Variants in NTM observed in about 807,000 individuals in gnomAD.
The protein encoded by NTM is IgLON family member 2.
NTM carries 13 observed loss-of-function variants against 42.1 expected under a neutral mutation model. The observed-to-expected ratio is 0.31, with a 90% CI of 0.20 to 0.49. NTM has a LOEUF of 0.49. Ranked by LOEUF, NTM falls within the 20% of genes least tolerant of loss-of-function variation. The pLI, the probability that NTM is intolerant of heterozygous loss-of-function variation, is 0.99. For missense variants in NTM, 373 were observed against 452.8 expected (o/e 0.82, Z 1.60); for synonymous variants, 187 against 179.2 (o/e 1.04, Z -0.35).
chr11:132,300,370 CTTATG>C (rs967368685), intron 4 of NTM, among the ~76,000 whole-genome samples: 32 of 152,282 alleles, frequency 2.1e-4, no homozygotes, highest in African/African-American at 7.5e-4. Context: ...ATAAGGTAAT[CTTATG>C]TTCTCCATTT....
intron 2 of NTM, among the ~76,000 whole-genome samples, chr11:132,082,098 A>T (rs2059146432): frequency 6.6e-6 from 1 of 151,858 alleles, no homozygotes; most frequent in African/African-American, 2.4e-5. Flanking sequence ...AAAAAGCTTC[A>T]TCAAGGTTAA....
chr11:132,040,845 C>G (rs1261697135), intron 2 of NTM, among the ~76,000 whole-genome samples: 1 of 152,192 alleles, frequency 6.6e-6, no homozygotes, highest in East Asian at 1.9e-4. Flanking sequence ...GATTAGGATT[C>G]TCAACATCAG....
intron 2 of NTM, among the ~76,000 whole-genome samples, chr11:132,005,035 G>A (rs926054895): frequency 2.0e-5 from 3 of 152,166 alleles, no homozygotes; most frequent in Admixed American, 6.5e-5. Flanking sequence ...ATGTGAAAAC[G>A]TTATAGTTGA....
intron 1 of NTM, among the ~76,000 whole-genome samples, chr11:131,709,359 G>C (rs879775718): frequency 2.0e-5 from 3 of 152,118 alleles, no homozygotes; most frequent in Non-Finnish European, 2.9e-5. Flanking sequence ...GGCTCCAGGG[G>C]GCAAGAGTGG....
chr11:132,125,384 G>A (rs1030615155), intron 2 of NTM, among the ~76,000 whole-genome samples: 6 of 79,940 alleles, frequency 7.5e-5, no homozygotes, highest in Non-Finnish European at 1.6e-4. Context: ...GTGTGGTGGT[G>A]TATGTGGTAT....
intron 1 of NTM, among the ~76,000 whole-genome samples, chr11:131,815,305 C>T (rs998928099): frequency 1.3e-5 from 2 of 152,104 alleles, no homozygotes; most frequent in African/African-American, 4.8e-5. Flanking sequence ...GCTGTCCCAC[C>T]GTGCCCGCCT....
intron 1 of NTM, among the ~76,000 whole-genome samples, chr11:131,714,761 C>T (rs886123170): frequency 6.6e-6 from 1 of 152,182 alleles, no homozygotes; most frequent in Non-Finnish European, 1.5e-5. Context: ...ATTCCACTCT[C>T]GCCAGCCTTT....
At chr11:131,522,354 AAG>A (rs1283278348) in intron 1 of NTM, among the ~76,000 whole-genome samples, 3 of 1,238 alleles carry the variant, frequency 2.4e-3, no homozygotes, top group South Asian at 0.018. Context: ...GCAGAACAAC[AAG>A]AAAAAAAAAA....
intron 1 of NTM, among the ~76,000 whole-genome samples, chr11:131,484,413 G>C (rs1424470360): frequency 6.6e-6 from 1 of 152,188 alleles, no homozygotes; most frequent in Non-Finnish European, 1.5e-5. Flanking sequence ...AGGCAAAATG[G>C]TCCTTCCTTT....
chr11:131,751,868 G>A (rs1454908697), intron 1 of NTM, among the ~76,000 whole-genome samples: 1 of 149,966 alleles, frequency 6.7e-6, no homozygotes, highest in Non-Finnish European at 1.5e-5. Flanking sequence ...GCTCCATAAC[G>A]GGCCAAGATC....
At chr11:131,721,859 C>T (rs923327691) in intron 1 of NTM, among the ~76,000 whole-genome samples, 4 of 151,558 alleles carry the variant, frequency 2.6e-5, no homozygotes, top group African/African-American at 4.8e-5. Flanking sequence ...ATTAGCTAGG[C>T]GTGGTCGTGG....
intron 2 of NTM, among the ~76,000 whole-genome samples, chr11:131,947,848 G>T (rs900096150): frequency 6.6e-6 from 1 of 152,124 alleles, no homozygotes; most frequent in Non-Finnish European, 1.5e-5. Context: ...TTCCTCCTGA[G>T]ATTAGTATGA....
At position 132,280,475 on chromosome 11, in the gene NTM, CTTTTTTTTTT is replaced by C. The variant is rs138697534; in HGVS notation, c.527-27195_527-27186del. 4.6e-3 allele frequency among the ~76,000 whole-genome samples: 379 copies of C among 82,446 alleles called. 5 individuals carry two copies. In the Middle Eastern group the frequency reaches 0.051, roughly 11 times the overall value. The allele number at this position is 82,446 out of a possible 152,430, so 54.1% of individuals were successfully genotyped here. ...CACCACACTGTCCTGATACTCTCTT[CTTTTTTTTTT>C]TTTTTTTTTTTTTTTTTTGAGATGG... On this transcript the variant is annotated intron_variant, in intron 4 of 8. Transcript: ENST00000683400.
At chr11:132,194,107 A>G (rs1217171527) in intron 3 of NTM, among the ~76,000 whole-genome samples, 3 of 152,214 alleles carry the variant, frequency 2.0e-5, no homozygotes, top group Admixed American at 6.5e-5. Flanking sequence ...TCTCTAACTC[A>G]TTCTATGAAG....
intron 1 of NTM, among the ~76,000 whole-genome samples, chr11:131,425,850 TC>T (rs1160964468): frequency 6.6e-6 from 1 of 152,140 alleles, no homozygotes; most frequent in African/African-American, 2.4e-5. Flanking sequence ...TTCGGTAAGT[TC>T]TTGGGAGGAA....
intron 1 of NTM, among the ~76,000 whole-genome samples, chr11:131,443,843 G>C: frequency 6.6e-6 from 1 of 152,128 alleles, no homozygotes; most frequent in East Asian, 1.9e-4. Context: ...CACCTGCCAA[G>C]GAAACAAGGC....
chr11:131,926,516 G>GGCAAGTCAAAGACTAGTCAA (rs2057978830), intron 2 of NTM, among the ~76,000 whole-genome samples: 1 of 152,048 alleles, frequency 6.6e-6, no homozygotes, highest in East Asian at 1.9e-4. Context: ...AGTCAAAGAC[G>GGCAAGTCAAAGACTAGTCAA]AGCAAGGCAA....
At chr11:131,496,917 C>T (rs1955404655) in intron 1 of NTM, among the ~76,000 whole-genome samples, 1 of 152,326 alleles carries the variant, frequency 6.6e-6, no homozygotes, top group Admixed American at 6.5e-5. Flanking sequence ...AACCACAGAA[C>T]TCAAACCAGC....
intron 1 of NTM, among the ~76,000 whole-genome samples, chr11:131,653,850 A>G (rs925139511): frequency 6.6e-6 from 1 of 152,252 alleles, no homozygotes; most frequent in Non-Finnish European, 1.5e-5. Flanking sequence ...TGGAAATTAT[A>G]TAATTTCATG....
Sources: allele counts gnomAD v4.1 joint callset (sites outside exome capture counted in the v4.1 genomes callset), GRCh38; gene constraint gnomAD v4.1.1; transcripts MANE v1.5; gene names NCBI Gene and HGNC (gene_info 2026-07-23, HGNC 2026-07-21).